SH3TC2: variants seen among roughly 807,000 people sequenced by gnomAD.
SH3TC2 encodes SH3 domain and tetratricopeptide repeats 2, also known as SH3 domain and tetratricopeptide repeat-containing protein 2.
A neutral mutation model predicts 124.5 loss-of-function variants in SH3TC2; 87 were observed. That is an observed-to-expected ratio of 0.70 (90% confidence interval 0.59 to 0.84). The LOEUF (loss-of-function observed/expected upper bound fraction) is 0.84. Among genes scored for constraint, SH3TC2 ranks in the 40% least tolerant of loss-of-function variants. SH3TC2 has a pLI of 0.00. For missense variants in SH3TC2, 1,536 were observed against 1,566.4 expected (o/e 0.98, Z 0.33); for synonymous variants, 634 against 628.5 (o/e 1.01, Z -0.13).
chr5:149,016,924 C>CA lies in SH3TC2; in HGVS notation c.3054-4191dup, dbSNP rs753867645. Among the ~76,000 whole-genome samples the CA allele has an allele frequency of 8.6e-3, 793 of 92,678 alleles. 20 individuals are homozygous for CA. Among genetic ancestry groups the CA allele is most frequent in the East Asian group, 0.078 (232 of 2,956 alleles). 60.8% of individuals were successfully genotyped at this position (92,678 alleles called of 152,430 possible). ...TGGGTAACAGGGCGAGACTCCGTCTCAAAAAAAAAAAAAAAAAAAGAATAA... is the reference window on the plus strand; with the variant it reads ...TGGGTAACAGGGCGAGACTCCGTCTCAAAAAAAAAAAAAAAAAAAAGAATAA... On this transcript the variant is annotated intron_variant, in intron 12 of 16. Transcript: ENST00000515425.
chr5:148,991,026 G>T lies in SH3TC2; in HGVS notation c.*13685C>A, dbSNP rs1753412064. Among the ~76,000 whole-genome samples the T allele has an allele frequency of 6.6e-6, 1 of 152,086 alleles. No individual in the cohort carries two copies. Among genetic ancestry groups the T allele is most frequent in the African/African-American group, 2.4e-5 (1 of 41,390 alleles). ...CACAAACTTCATTTCCCAAAACCCA[G>T]AATTAGATCACTTGTTGAACATCTG... is the stretch of plus-strand genomic sequence containing the variant. On this transcript the variant is annotated 3_prime_UTR_variant, in exon 17 of 17. Transcript: ENST00000515425.
rs575061447 is a variant in SH3TC2, at chr5:148,992,781, A to G, written c.*11930T>C. Among the ~76,000 whole-genome samples, 4 of 152,088 alleles carry G rather than the reference A, an allele frequency of 2.6e-5. No individual in the cohort carries two copies. The South Asian group carries it at 6.2e-4, about 24-fold the overall frequency. ...CTGACCCCAATCCCACTGCTCTTTA[A>G]CTACATCACACTGAGCTAACTCATC... is the stretch of plus-strand genomic sequence containing the variant. On this transcript the variant is annotated 3_prime_UTR_variant, in exon 17 of 17. Coordinates refer to ENST00000515425, the MANE Select transcript of SH3TC2 (RefSeq NM_024577.4).
In SH3TC2 at chr5:149,001,948, A is replaced by T. The variant is rs1040362592; in HGVS notation, c.*2763T>A. 5 of 152,396 alleles carry T rather than the reference A, an allele frequency of 3.3e-5. No homozygotes were observed. Among genetic ancestry groups the T allele is most frequent in the African/African-American group, 1.2e-4 (5 of 41,594 alleles). The allele number at this position is 152,396 out of a possible 1,614,324, so 9.4% of individuals were successfully genotyped here. On this transcript the variant is annotated 3_prime_UTR_variant, in exon 17 of 17. Transcript: ENST00000515425. ...CTGTCCAAACAGAAGTTCAAGTCAG[A>T]AGACACAGAAGTTTCAACTGATTAT...
Position 149,026,926 on chromosome 5 carries a change from G to A in SH3TC2, c.2806C>T (p.Leu936=). Residue 936 remains leucine, a synonymous_variant, in exon 11 of 17, where the codon CTG becomes TTG. Coordinates refer to ENST00000515425, the MANE Select transcript of SH3TC2 (RefSeq NM_024577.4). ...TCATAACAAAGAAGGCCATGGGTCA[G>A]CTGGTGTCCAGACACCAGAACTTGG... ...LAQVLVSGHQ[L]THGLLCYEMA... 6.2e-7 allele frequency: 1 copy of A among 1,614,194 alleles called. No homozygotes were observed. The highest frequency in any genetic ancestry group is 8.5e-7 in the Non-Finnish European group (1 of 1,180,034).
rs10076034 is a variant in SH3TC2, at chr5:149,052,286, T to C, written c.53-46A>G. 1.3e-4 allele frequency: 194 copies of C among 1,438,762 alleles called. No individual in the cohort carries two copies. In the African/African-American group the frequency reaches 2.4e-3, roughly 18 times the overall value. The allele number at this position is 1,438,762 out of a possible 1,614,324, so 89.1% of individuals were successfully genotyped here. On this transcript the variant is annotated intron_variant, in intron 1 of 16. Transcript: ENST00000515425. ...GGTCATCTTAAGAGTGTAAGGAAGTTGAAAGCAAGTTATAAGCAAGGCTGT... is the reference window on the plus strand; with the variant it reads ...GGTCATCTTAAGAGTGTAAGGAAGTCGAAAGCAAGTTATAAGCAAGGCTGT...
intron 7 of SH3TC2, 34 bp from the exon 8 acceptor site, chr5:149,038,524 G>A: frequency 6.2e-7 from 1 of 1,607,002 alleles, no homozygotes; most frequent in South Asian, 1.1e-5. Flanking sequence ...AGCTACAGAA[G>A]ACATGAACAG....
At position 148,996,901 on chromosome 5, in the gene SH3TC2, A is replaced by T. The variant is rs57517567; in HGVS notation, c.*7810T>A. Among the ~76,000 whole-genome samples, 2,134 of 152,300 alleles carry T rather than the reference A, an allele frequency of 0.014. 44 individuals are homozygous for T. Among genetic ancestry groups the T allele is most frequent in the African/African-American group, 0.049 (2,057 of 41,556 alleles). ...ATTTTCAAAATCCTTTTCATAGATA[A>T]CAGTAAAATGTGTGACCCTAAATAA... On this transcript the variant is annotated 3_prime_UTR_variant, in exon 17 of 17. Coordinates refer to ENST00000515425, the MANE Select transcript of SH3TC2 (RefSeq NM_024577.4).
At chr5:149,045,427 T>C (rs547695778) in intron 3 of SH3TC2, 1 of 152,402 alleles carries the variant, frequency 6.6e-6, no homozygotes, top group South Asian at 2.1e-4. Context: ...TCCTAAATGG[T>C]ACTGTGATAA....
chr5:148,990,849 C>T lies in SH3TC2; in HGVS notation c.*13862G>A, dbSNP rs938076445. On this transcript the variant is annotated 3_prime_UTR_variant, in exon 17 of 17. Transcript: ENST00000515425. Reference sequence around the variant, plus strand: ...GGCCCTGAGTTAAGTATTCTAAGTACATTATCTCTTTTAATTTTCACAGCA... The same window carrying T: ...GGCCCTGAGTTAAGTATTCTAAGTATATTATCTCTTTTAATTTTCACAGCA... 6.6e-6 allele frequency among the ~76,000 whole-genome samples: 1 copy of T among 152,066 alleles called. No homozygotes were observed. Among genetic ancestry groups the T allele is most frequent in the Non-Finnish European group, 1.5e-5 (1 of 68,024 alleles).
At chr5:149,024,776 A>G (rs1754036108) in intron 12 of SH3TC2, among the ~76,000 whole-genome samples, 1 of 152,032 alleles carries the variant, frequency 6.6e-6, no homozygotes, top group South Asian at 2.1e-4. Context: ...CACCATCCCC[A>G]TCACATCAGG....
At position 148,992,111 on chromosome 5, in the gene SH3TC2, A is replaced by G. The variant is rs1455464495; in HGVS notation, c.*12600T>C. On this transcript the variant is annotated 3_prime_UTR_variant, in exon 17 of 17. Transcript: ENST00000515425. Reference sequence around the variant, plus strand: ...AACATGAATTCAATCACTAGGTAATAAGAGGTAACAATTGAACATTTAGCT... The same window carrying G: ...AACATGAATTCAATCACTAGGTAATGAGAGGTAACAATTGAACATTTAGCT... Among the ~76,000 whole-genome samples, 1 of 152,222 alleles carries G rather than the reference A, an allele frequency of 6.6e-6. No homozygotes were observed. Among genetic ancestry groups the G allele is most frequent in the African/African-American group, 2.4e-5 (1 of 41,466 alleles).
chr5:149,042,176 T>C (rs1754382393), intron 5 of SH3TC2, among the ~76,000 whole-genome samples: 1 of 152,204 alleles, frequency 6.6e-6, no homozygotes, highest in South Asian at 2.1e-4. Flanking sequence ...TAGTTGTTAA[T>C]TGGTAGATGA....
chr5:149,062,317 C>G, intron 1 of SH3TC2: 1 of 530,904 alleles, frequency 1.9e-6, no homozygotes, highest in Non-Finnish European at 3.9e-6. Flanking sequence ...AAGAAGGTTG[C>G]TTCAGGGAGA....
chr5:149,050,090 C>T (rs1754531219), intron 2 of SH3TC2, among the ~76,000 whole-genome samples: 1 of 152,164 alleles, frequency 6.6e-6, no homozygotes, highest in African/African-American at 2.4e-5. Context: ...TGTGAATCTC[C>T]TTACCATGCA....
At chr5:149,011,851 T>C (rs903106982) in intron 13 of SH3TC2, among the ~76,000 whole-genome samples, 6 of 152,210 alleles carry the variant, frequency 3.9e-5, no homozygotes, top group Non-Finnish European at 8.8e-5. Flanking sequence ...AACATCGATA[T>C]TGTACAGATA....
chr5:149,048,100 G>A lies in SH3TC2; in HGVS notation c.152-111C>T, dbSNP rs1754498011. The A allele has an allele frequency of 2.8e-6, 4 of 1,431,568 alleles. No individual in the cohort carries two copies. In the Admixed American group the frequency reaches 5.1e-5, roughly 18 times the overall value. The allele number at this position is 1,431,568 out of a possible 1,614,324, so 88.7% of individuals were successfully genotyped here. A position where few individuals can be genotyped will look rare whatever the true frequency, so the allele number is the denominator to read the frequency against. Reference sequence around the variant, plus strand: ...ATGTATACCTGAACCCTCAACTGGTGTCCTCATTAGTTACAGATTAGAGTG... The same window carrying A: ...ATGTATACCTGAACCCTCAACTGGTATCCTCATTAGTTACAGATTAGAGTG... On this transcript the variant is annotated intron_variant, in intron 2 of 16. Coordinates refer to ENST00000515425, the MANE Select transcript of SH3TC2 (RefSeq NM_024577.4).
chr5:149,056,996 T>G (rs1428738039), intron 1 of SH3TC2, among the ~76,000 whole-genome samples: 1 of 152,192 alleles, frequency 6.6e-6, no homozygotes, highest in South Asian at 2.1e-4. Context: ...ATCTTTTTGA[T>G]ACTTTCATCT....
chr5:149,024,538 G>A (rs1754032117), intron 12 of SH3TC2, among the ~76,000 whole-genome samples: 1 of 152,228 alleles, frequency 6.6e-6, no homozygotes, highest in Non-Finnish European at 1.5e-5. Context: ...TAGCTAGCTG[G>A]TCCCAGACTC....
intron 6 of SH3TC2, 34 bp from the exon 7 acceptor site, chr5:149,040,711 A>G (rs746344070): frequency 1.3e-6 from 2 of 1,567,744 alleles, no homozygotes; most frequent in Non-Finnish European, 1.8e-6. Context: ...GCAAACACAG[A>G]TTTCAAAAAA....
Sources: allele counts gnomAD v4.1 joint callset (sites outside exome capture counted in the v4.1 genomes callset), GRCh38; gene constraint gnomAD v4.1.1; transcripts MANE v1.5; gene names NCBI Gene and HGNC (gene_info 2026-07-23, HGNC 2026-07-21).